Variants in FRMD4A observed in about 807,000 individuals in gnomAD.
FRMD4A encodes FERM domain containing 4A.
A neutral mutation model predicts 129.1 loss-of-function variants in FRMD4A; 29 were observed. The ratio of observed to expected loss-of-function variants is 0.22; its 90% CI spans 0.17 to 0.31. The LOEUF is 0.31. FRMD4A is among the 10% of genes least tolerant of loss of function. FRMD4A has a pLI of 1.00. For missense variants in FRMD4A, 1,272 were observed against 1,375.8 expected, an observed-to-expected ratio of 0.92 and a Z score of 1.19; for synonymous variants, 634 against 571.6, an observed-to-expected ratio of 1.11 and a Z score of -1.56.
At chr10:14,326,052 C>G (rs1331167934) in intron 2 of FRMD4A, 1 of 152,146 alleles carries the variant, frequency 6.6e-6, no homozygotes, top group Admixed American at 6.5e-5. Context: ...TAAAATATGA[C>G]TCTCAGTAAT....
intron 2 of FRMD4A, among the ~76,000 whole-genome samples, chr10:14,134,319 G>A (rs1399802970): frequency 6.6e-6 from 1 of 151,654 alleles, no homozygotes; most frequent in Non-Finnish European, 1.5e-5. Context: ...GTGAATGGGT[G>A]GATAGATGTA....
At chr10:13,704,891 T>G (rs1163173821) in intron 13 of FRMD4A, among the ~76,000 whole-genome samples, 32 of 147,970 alleles carry the variant, frequency 2.2e-4, no homozygotes, top group Non-Finnish European at 1.5e-4. Context: ...GGCAACACTG[T>G]GAGACCCAGT....
intron 2 of FRMD4A, among the ~76,000 whole-genome samples, chr10:13,952,232 T>G (rs1012772176): frequency 6.6e-6 from 1 of 151,960 alleles, no homozygotes; most frequent in African/African-American, 2.4e-5. Context: ...GCGTGGTGGC[T>G]CATGTCTGTA....
chr10:13,775,944 G>A (rs2049745), intron 6 of FRMD4A, among the ~76,000 whole-genome samples: 95,561 of 152,036 alleles, frequency 0.63, 32,607 homozygotes, highest in East Asian at 0.95. Context: ...AAAACAATGG[G>A]TTGTCTAAAA....
intron 2 of FRMD4A, among the ~76,000 whole-genome samples, chr10:13,876,840 T>TTA (rs911125583): frequency 8.6e-4 from 130 of 151,728 alleles, no homozygotes; most frequent in Middle Eastern, 3.5e-3. Context: ...GCATATATCT[T>TTA]TATATATATA....
chr10:13,657,850 T>C (rs1189199259), intron 21 of FRMD4A, among the ~76,000 whole-genome samples: 2 of 150,420 alleles, frequency 1.3e-5, no homozygotes, highest in East Asian at 1.9e-4. Flanking sequence ...CTTAGTATCA[T>C]GTTAAACCAG....
intron 2 of FRMD4A, among the ~76,000 whole-genome samples, chr10:14,130,829 C>T (rs897899534): frequency 7.9e-5 from 12 of 152,282 alleles, no homozygotes; most frequent in African/African-American, 2.6e-4. Context: ...CTCAAAACTC[C>T]GTAGCCCCTG....
At chr10:14,155,696 T>A (rs1414061344) in intron 2 of FRMD4A, among the ~76,000 whole-genome samples, 2 of 152,128 alleles carry the variant, frequency 1.3e-5, no homozygotes, top group Non-Finnish European at 2.9e-5. Context: ...GATAATAAAA[T>A]TGAAAGTTAG....
intron 2 of FRMD4A, among the ~76,000 whole-genome samples, chr10:13,987,227 G>C (rs902564062): frequency 1.3e-5 from 2 of 152,040 alleles, no homozygotes; most frequent in African/African-American, 2.4e-5. Flanking sequence ...CTGAACTATC[G>C]TGGGATAGAA....
chr10:13,930,895 C>G (rs1413246422), intron 2 of FRMD4A, among the ~76,000 whole-genome samples: 1 of 151,952 alleles, frequency 6.6e-6, no homozygotes. Context: ...TGCAGTGGTG[C>G]CATCACAGCT....
At chr10:13,824,572 A>G (rs2093674130) in intron 3 of FRMD4A, among the ~76,000 whole-genome samples, 1 of 152,024 alleles carries the variant, frequency 6.6e-6, no homozygotes, top group Non-Finnish European at 1.5e-5. Context: ...TAGTATAACA[A>G]CTATATAGCA....
intron 15 of FRMD4A, among the ~76,000 whole-genome samples, chr10:13,689,367 G>T (rs2085447471): frequency 6.6e-6 from 1 of 151,932 alleles, no homozygotes; most frequent in South Asian, 2.1e-4. Flanking sequence ...GAGAATAATT[G>T]AAAGATGACA....
At chr10:13,991,012 C>A (rs1354588742) in intron 2 of FRMD4A, among the ~76,000 whole-genome samples, 2 of 152,158 alleles carry the variant, frequency 1.3e-5, no homozygotes, top group African/African-American at 4.8e-5. Context: ...GCATTCGGAG[C>A]CAGAATCCCT....
At chr10:14,175,647 C>T (rs1470298505) in intron 2 of FRMD4A, among the ~76,000 whole-genome samples, 1 of 151,752 alleles carries the variant, frequency 6.6e-6, no homozygotes, top group Non-Finnish European at 1.5e-5. Flanking sequence ...GCCTCAGCCT[C>T]CTGAATATCT....
chr10:13,956,912 A>T (rs2095413132), intron 2 of FRMD4A, among the ~76,000 whole-genome samples: 1 of 152,162 alleles, frequency 6.6e-6, no homozygotes, highest in South Asian at 2.1e-4. Flanking sequence ...ATTTTTGAAA[A>T]CTGAGATTCA....
intron 2 of FRMD4A, among the ~76,000 whole-genome samples, chr10:14,329,628 G>A (rs577288139): frequency 2.6e-5 from 4 of 152,108 alleles, no homozygotes; most frequent in East Asian, 1.9e-4. Flanking sequence ...ATATATGGGC[G>A]CCTAGAAAGA....
intron 2 of FRMD4A, among the ~76,000 whole-genome samples, chr10:14,144,011 G>C (rs181326412): frequency 6.6e-6 from 1 of 152,148 alleles, no homozygotes; most frequent in Non-Finnish European, 1.5e-5. Flanking sequence ...CACTGAGCTA[G>C]TACAAAGGGG....
At chr10:13,871,375 T>A (rs1331369077) in intron 2 of FRMD4A, among the ~76,000 whole-genome samples, 1 of 152,176 alleles carries the variant, frequency 6.6e-6, no homozygotes, top group Admixed American at 6.5e-5. Flanking sequence ...AGGAAGAGTT[T>A]GTGTTGTGAC....
chr10:14,054,970 T>C (rs1402183117), intron 2 of FRMD4A, among the ~76,000 whole-genome samples: 1 of 152,216 alleles, frequency 6.6e-6, no homozygotes, highest in African/African-American at 2.4e-5. Flanking sequence ...TAAACCTCTC[T>C]CCTTTATAAA....
Sources: gnomAD v4.1 joint callset for allele counts (sites outside exome capture counted in the v4.1 genomes callset) on GRCh38, gnomAD v4.1.1 for gene constraint, MANE v1.5 for transcripts, NCBI Gene and HGNC (gene_info 2026-07-23, HGNC 2026-07-21) for gene names.